Variants in C16orf74 observed in about 807,000 individuals in gnomAD.
The protein encoded by C16orf74 is calcimembrin.
In C16orf74, 10 loss-of-function variants were observed where a neutral mutation model predicts 6.5. That is an observed-to-expected ratio of 1.54 (90% confidence interval 0.95 to 2.61). The LOEUF is 2.61. C16orf74 is among the 30% of genes most tolerant of loss of function. The probability of loss-of-function intolerance (pLI) is 0.00; values close to 1 mark genes in which losing one functional copy is unlikely to be tolerated. For missense variants in C16orf74, 141 were observed against 105.9 expected, an observed-to-expected ratio of 1.33 and a Z score of -1.45; for synonymous variants, 60 against 42.5, an observed-to-expected ratio of 1.41 and a Z score of -1.60.
At chr16:85,748,654 A>T (rs2054400978) in intron 1 of C16orf74, among the ~76,000 whole-genome samples, 1 of 152,308 alleles carries the variant, frequency 6.6e-6, no homozygotes, top group East Asian at 1.9e-4. Flanking sequence ...GAATCCATAG[A>T]AAGGAATGTC....
chr16:85,750,900 G>C (rs1245301964), intron 1 of C16orf74, 26 bp downstream of exon 1: 6 of 151,654 alleles, frequency 4.0e-5, no homozygotes, highest in African/African-American at 1.5e-4. Context: ...GGAAGGGGCG[G>C]CGGGCACGAG....
At chr16:85,750,311 G>A (rs964839581) in intron 1 of C16orf74, among the ~76,000 whole-genome samples, 1 of 152,164 alleles carries the variant, frequency 6.6e-6, no homozygotes, top group Non-Finnish European at 1.5e-5. Flanking sequence ...CCCGCCCTCC[G>A]CCTATCCCTG....
intron 2 of C16orf74, among the ~76,000 whole-genome samples, chr16:85,731,522 T>C (rs1354276841): frequency 6.6e-6 from 1 of 152,126 alleles, no homozygotes; most frequent in Admixed American, 6.5e-5. Context: ...AGGGCCTGGG[T>C]CCTGGCGGGT....
rs745511811 is a variant in C16orf74, at chr16:85,710,312, G to A, written c.29-5C>T. On this transcript the variant is annotated splice_region_variant and splice_polypyrimidine_tract_variant and intron_variant, in intron 2 of 3. Coordinates refer to ENST00000284245, the MANE Select transcript of C16orf74 (RefSeq NM_206967.3). ...TGCTGACACACATTTGAAAGCCTGAGAAGCCAGGCGTGGAGCACACACGCA... is the reference window on the plus strand; with the variant it reads ...TGCTGACACACATTTGAAAGCCTGAAAAGCCAGGCGTGGAGCACACACGCA... 2.0e-6 allele frequency: 3 copies of A among 1,502,324 alleles called. No individual in the cohort carries two copies. The highest frequency in any genetic ancestry group is 1.8e-6 in the Non-Finnish European group (2 of 1,137,582). 93.1% of individuals were successfully genotyped at this position (1,502,324 alleles called of 1,614,324 possible). A position where few individuals can be genotyped will look rare whatever the true frequency, so the allele number is the denominator to read the frequency against.
intron 2 of C16orf74, among the ~76,000 whole-genome samples, chr16:85,717,776 G>A (rs971512815): frequency 1.1e-4 from 17 of 152,362 alleles, no homozygotes; most frequent in African/African-American, 2.9e-4. Context: ...GGGAGGTAAC[G>A]TGCTGGTAAT....
At chr16:85,731,270 T>C (rs559940854) in intron 2 of C16orf74, among the ~76,000 whole-genome samples, 4 of 152,324 alleles carry the variant, frequency 2.6e-5, no homozygotes, top group African/African-American at 9.6e-5. Context: ...AAAACGAACA[T>C]GTGAGGCCCA....
chr16:85,715,386 G>A (rs564801789), intron 2 of C16orf74, among the ~76,000 whole-genome samples: 1 of 152,262 alleles, frequency 6.6e-6, no homozygotes, highest in East Asian at 1.9e-4. Flanking sequence ...TACAAATGTG[G>A]AAACTGGGGA....
chr16:85,722,723 G>A (rs1257988223), intron 2 of C16orf74, among the ~76,000 whole-genome samples: 2 of 152,006 alleles, frequency 1.3e-5, no homozygotes, highest in African/African-American at 4.8e-5. Context: ...TCTTACAGAG[G>A]GGCTCACTGC....
intron 2 of C16orf74, 133 bp from the exon 3 acceptor site, chr16:85,710,440 C>T: frequency 1.3e-6 from 1 of 753,844 alleles, no homozygotes; most frequent in South Asian, 2.2e-5. Flanking sequence ...GCAAGGAGCG[C>T]AGCTGTCCCC....
intron 1 of C16orf74, among the ~76,000 whole-genome samples, chr16:85,738,583 G>A (rs939403203): frequency 3.3e-5 from 5 of 151,518 alleles, no homozygotes; most frequent in African/African-American, 4.9e-5. Flanking sequence ...CACCCACCTC[G>A]GCCTCCCAAA....
chr16:85,735,569 A>G (rs975154298), intron 1 of C16orf74, among the ~76,000 whole-genome samples: 2 of 152,244 alleles, frequency 1.3e-5, no homozygotes, highest in African/African-American at 4.8e-5. Flanking sequence ...GACACCACCA[A>G]GCCTTTCCTT....
chr16:85,743,042 C>T (rs762762497), intron 1 of C16orf74, among the ~76,000 whole-genome samples: 8 of 152,186 alleles, frequency 5.3e-5, no homozygotes, highest in African/African-American at 1.9e-4. Flanking sequence ...CACTACGTGG[C>T]CCCAATTCCA....
chr16:85,732,011 G>C (rs972955235), intron 2 of C16orf74, among the ~76,000 whole-genome samples: 3 of 152,224 alleles, frequency 2.0e-5, no homozygotes, highest in Admixed American at 6.5e-5. Flanking sequence ...TTGAGTTAAG[G>C]ATCTTGGGAT....
chr16:85,737,318 G>A (rs1488113099), intron 1 of C16orf74, among the ~76,000 whole-genome samples: 1 of 152,130 alleles, frequency 6.6e-6, no homozygotes, highest in Non-Finnish European at 1.5e-5. Context: ...CCCTGAGCTG[G>A]CCCTGCCCAC....
At chr16:85,718,894 G>A (rs1426405501) in intron 2 of C16orf74, among the ~76,000 whole-genome samples, 1 of 148,138 alleles carries the variant, frequency 6.8e-6, no homozygotes, top group African/African-American at 2.7e-5. Context: ...TTCCAGCCCC[G>A]AGTGTGGGTC....
chr16:85,731,129 C>T (rs59557286), intron 2 of C16orf74, among the ~76,000 whole-genome samples: 156 of 152,294 alleles, frequency 1.0e-3, no homozygotes, highest in African/African-American at 3.6e-3. Context: ...CTCTCCAGAA[C>T]CCAGCACTCA....
At chr16:85,744,724 G>C (rs1329391893) in intron 1 of C16orf74, among the ~76,000 whole-genome samples, 1 of 151,592 alleles carries the variant, frequency 6.6e-6, no homozygotes, top group Non-Finnish European at 1.5e-5. Flanking sequence ...CAGCTACTTG[G>C]GAGGCTGAGG....
chr16:85,714,461 C>T (rs1443659195), intron 2 of C16orf74, among the ~76,000 whole-genome samples: 2 of 151,422 alleles, frequency 1.3e-5, no homozygotes, highest in African/African-American at 4.9e-5. Context: ...GCTCTGTCGC[C>T]CAGGCTGGAA....
intron 1 of C16orf74, among the ~76,000 whole-genome samples, chr16:85,750,478 G>A (rs1236263312): frequency 6.6e-6 from 1 of 152,194 alleles, no homozygotes; most frequent in Non-Finnish European, 1.5e-5. Flanking sequence ...CCTAAGTGAG[G>A]CAGTTCATAA....
Sources: gnomAD v4.1 joint callset for allele counts (sites outside exome capture counted in the v4.1 genomes callset) on GRCh38, gnomAD v4.1.1 for gene constraint, MANE v1.5 for transcripts, NCBI Gene and HGNC (gene_info 2026-07-23, HGNC 2026-07-21) for gene names.